ZNF586: variants seen among roughly 807,000 people sequenced by gnomAD.
The protein encoded by ZNF586 is zinc finger protein 586.
A neutral mutation model predicts 6.7 loss-of-function variants in ZNF586; 7 were observed. The observed-to-expected ratio is 1.04, with a 90% confidence interval of 0.59 to 1.95. The LOEUF is 1.95. ZNF586 is among the 30% of genes most tolerant of loss of function. The probability of loss-of-function intolerance (pLI) is 0.00; values close to 1 mark genes in which losing one functional copy is unlikely to be tolerated. For missense variants in ZNF586, 442 were observed against 489.6 expected (o/e 0.90, Z 0.92); for synonymous variants, 166 against 168.7 (o/e 0.98, Z 0.12).
intron 2 of ZNF586, among the ~76,000 whole-genome samples, chr19:57,777,882 A>G (rs1338226790): frequency 6.9e-6 from 1 of 145,838 alleles, no homozygotes; most frequent in African/African-American, 2.6e-5. Flanking sequence ...CAGCCTCCTG[A>G]GTAGCTAGGA....
chr19:57,769,895 C>T lies in ZNF586; in HGVS notation c.36+17C>T. On this transcript the variant is annotated intron_variant, in intron 1 of 2. Transcript: ENST00000396154. ...CCTGCTCAGGTGAGCGCTGCGACCT[C>T]CGGGCCTTACCCACCCTACCCACCC... 6.5e-7 allele frequency: 1 copy of T among 1,531,914 alleles called. No homozygotes were observed. The allele number at this position is 1,531,914 out of a possible 1,614,324, so 94.9% of individuals were successfully genotyped here. A position where few individuals can be genotyped will look rare whatever the true frequency, so the allele number is the denominator to read the frequency against.
In ZNF586 at chr19:57,769,733, G is replaced by C. The variant is rs1987038905; in HGVS notation, c.-110G>C. 11 of 1,162,764 alleles carry C rather than the reference G, an allele frequency of 9.5e-6. No individual in the cohort carries two copies. The highest frequency in any genetic ancestry group is 1.4e-5 in the Non-Finnish European group (11 of 804,380). 72.0% of individuals were successfully genotyped at this position (1,162,764 alleles called of 1,614,324 possible). A position where few individuals can be genotyped will look rare whatever the true frequency, so the allele number is the denominator to read the frequency against. On this transcript the variant is annotated 5_prime_UTR_variant, in exon 1 of 3. Transcript: ENST00000396154. ...GGACGAGCTCGGGAGGAGTGGTTGT[G>C]GCCATTGCACACAGGCGGATCTGAG... is the stretch of plus-strand genomic sequence containing the variant.
At chr19:57,777,035 A>G (rs1987254710) in intron 2 of ZNF586, among the ~76,000 whole-genome samples, 1 of 152,126 alleles carries the variant, frequency 6.6e-6, no homozygotes, top group Non-Finnish European at 1.5e-5. Context: ...GTCGTCACTG[A>G]TGTGGTCATT....
At chr19:57,770,133 A>T (rs1404760626) in intron 1 of ZNF586, among the ~76,000 whole-genome samples, 2 of 151,374 alleles carry the variant, frequency 1.3e-5, no homozygotes, top group Non-Finnish European at 2.9e-5. Flanking sequence ...TCTACTGGGA[A>T]AGAAGTGTGA....
chr19:57,776,071 T>C (rs1183351650), intron 1 of ZNF586, among the ~76,000 whole-genome samples: 1 of 152,144 alleles, frequency 6.6e-6, no homozygotes, highest in African/African-American at 2.4e-5. Context: ...CTCCTACTCT[T>C]TACCAGTAGA....
chr19:57,777,714 A>G (rs1987266458), intron 2 of ZNF586, among the ~76,000 whole-genome samples: 1 of 123,136 alleles, frequency 8.1e-6, no homozygotes, highest in South Asian at 2.6e-4. Context: ...ATATTGGCTC[A>G]TGTATTTTGT....
chr19:57,777,120 T>C (rs1300637860), intron 2 of ZNF586, among the ~76,000 whole-genome samples: 2 of 152,220 alleles, frequency 1.3e-5, no homozygotes, highest in Non-Finnish European at 2.9e-5. Context: ...TCAGGCACAA[T>C]AACACCTGTC....
Position 57,779,280 on chromosome 19 carries a change from G to C in ZNF586, c.693G>C (p.Glu231Asp), listed in dbSNP as rs539286700. The change falls in exon 3 of 3, where the codon GAG (glutamate) becomes GAC (aspartate). Residue 231 changes from glutamate (E) to aspartate (D), a missense_variant. Glu to Asp is a conservative substitution (Grantham distance 45, BLOSUM62 2). Transcript: ENST00000396154. ...LIKHRRIHTG[E>D]RPYECSECGR... ...AACACAGGAGGATTCACACTGGAGA[G>C]AGGCCTTATGAGTGCAGTGAATGTG... The C allele has an allele frequency of 6.2e-7, 1 of 1,613,392 alleles. No homozygotes were observed. Among genetic ancestry groups the C allele is most frequent in the East Asian group, 2.2e-5 (1 of 44,792 alleles).
At position 57,769,698 on chromosome 19, in the gene ZNF586, T is replaced by C; in HGVS notation, c.-145T>C. The stretch of plus-strand genomic sequence containing the variant: ...TTGGCCTGTCAGGTCCATCCGGCGA[T>C]GCTGGGTCTGGACGAGCTCGGGAGG... On this transcript the variant is annotated 5_prime_UTR_variant, in exon 1 of 3. It removes an upstream start codon present in the reference 5' UTR. Coordinates refer to ENST00000396154, the MANE Select transcript of ZNF586 (RefSeq NM_017652.4). 1 of 863,496 alleles carries C rather than the reference T, an allele frequency of 1.2e-6. No individual in the cohort carries two copies. Among genetic ancestry groups the C allele is most frequent in the Non-Finnish European group, 1.8e-6 (1 of 549,812 alleles). The allele number at this position is 863,496 out of a possible 1,614,324, so 53.5% of individuals were successfully genotyped here.
chr19:57,779,178 G>T lies in ZNF586; in HGVS notation c.591G>T (p.Arg197Ser). The part of the protein sequence containing the change: ...FAEKSSLINH[R>S]KVHSGAKRYE... ...AAAAGTCCAGTCTCATTAACCACAG[G>T]AAAGTTCACTCTGGAGCAAAGCGTT... The change falls in exon 3 of 3, where the codon AGG becomes AGT. Residue 197 changes from arginine (R) to serine (S), a missense_variant. Coordinates refer to ENST00000396154, the MANE Select transcript of ZNF586 (RefSeq NM_017652.4). 6.2e-7 allele frequency: 1 copy of T among 1,613,904 alleles called. No individual in the cohort carries two copies. Among genetic ancestry groups the T allele is most frequent in the Non-Finnish European group, 8.5e-7 (1 of 1,179,988 alleles).
In ZNF586 at chr19:57,779,832, G is replaced by A. The variant is rs761722282; in HGVS notation, c.*36G>A. 6.5e-7 allele frequency: 1 copy of A among 1,530,086 alleles called. No homozygotes were observed. Among genetic ancestry groups the A allele is most frequent in the South Asian group, 1.3e-5 (1 of 78,224 alleles). 94.8% of individuals were successfully genotyped at this position (1,530,086 alleles called of 1,614,324 possible). ...GGAAATTCTCTTGCCCAGGCTTTTT[G>A]CTCCTTCAAGGCCAGAGAGTTCACA... On this transcript the variant is annotated 3_prime_UTR_variant, in exon 3 of 3. Coordinates refer to ENST00000396154, the MANE Select transcript of ZNF586 (RefSeq NM_017652.4).
Position 57,778,846 on chromosome 19 carries a change from C to CATAA in ZNF586, c.259_260insATAA (p.Pro87HisfsTer4). On this transcript the variant is annotated frameshift_variant, in exon 3 of 3. Transcript: ENST00000396154. LOFTEE classifies it low-confidence loss of function (END_TRUNC). ...CCAGGGAGGTCATAGTGGAGAAAGG[C>CATAA]CTTATGAGTGTGGGGAATATAGGAA... 6.2e-7 allele frequency: 1 copy of CATAA among 1,614,114 alleles called. No homozygotes were observed. Among genetic ancestry groups the CATAA allele is most frequent in the Non-Finnish European group, 8.5e-7 (1 of 1,180,022 alleles).
intron 1 of ZNF586, among the ~76,000 whole-genome samples, chr19:57,775,356 G>A (rs1987209340): frequency 6.6e-6 from 1 of 152,096 alleles, no homozygotes; most frequent in Middle Eastern, 3.2e-3. Flanking sequence ...GCAGCTGGGT[G>A]TGGTATCGCA....
intron 1 of ZNF586, 118 bp downstream of exon 1, chr19:57,769,996 G>A (rs951592740): frequency 3.3e-5 from 33 of 1,008,860 alleles, no homozygotes; most frequent in Non-Finnish European, 4.4e-5. Flanking sequence ...GGACGGAGAG[G>A]CGCCGGCGGG....
intron 1 of ZNF586, 39 bp downstream of exon 1, chr19:57,769,917 A>T: frequency 1.5e-6 from 1 of 645,206 alleles, no homozygotes; most frequent in Non-Finnish European, 2.2e-6. Flanking sequence ...CACCCTACCC[A>T]CCCAGACCCT....
chr19:57,773,224 A>T (rs1987138198), intron 1 of ZNF586, among the ~76,000 whole-genome samples: 1 of 152,130 alleles, frequency 6.6e-6, no homozygotes, highest in South Asian at 2.1e-4. Flanking sequence ...GACTGAAATG[A>T]TTGAGTCATG....
chr19:57,775,053 A>G (rs974718228), intron 1 of ZNF586, among the ~76,000 whole-genome samples: 7 of 150,028 alleles, frequency 4.7e-5, no homozygotes, highest in South Asian at 2.1e-4. Context: ...AGGCTGGAGT[A>G]CAGTGGCAGA....
chr19:57,773,011 A>G (rs1987133486), intron 1 of ZNF586, among the ~76,000 whole-genome samples: 1 of 152,168 alleles, frequency 6.6e-6, no homozygotes, highest in Admixed American at 6.5e-5. Context: ...TATAAATTTG[A>G]GAATTTCATG....
chr19:57,775,342 A>G (rs1204648680), intron 1 of ZNF586, among the ~76,000 whole-genome samples: 1 of 152,102 alleles, frequency 6.6e-6, no homozygotes, highest in African/African-American at 2.4e-5. Flanking sequence ...TACTCAAGCC[A>G]GTTGCAGCTG....
Sources: allele counts gnomAD v4.1 joint callset (sites outside exome capture counted in the v4.1 genomes callset), GRCh38; gene constraint gnomAD v4.1.1; transcripts MANE v1.5; gene names NCBI Gene and HGNC (gene_info 2026-07-23, HGNC 2026-07-21).